ZC3H12B: variants seen among roughly 807,000 people sequenced by gnomAD.
ZC3H12B encodes the protein probable ribonuclease ZC3H12B.
ZC3H12B carries 7 observed loss-of-function variants against 43.9 expected under a neutral mutation model. That is an observed-to-expected ratio of 0.16 (90% CI 0.09 to 0.30). ZC3H12B has a LOEUF of 0.30. Among genes scored for constraint, ZC3H12B ranks in the 10% least tolerant of loss-of-function variants. ZC3H12B has a pLI of 1.00. For synonymous variants in ZC3H12B, 222 were observed against 241.7 expected (o/e 0.92, Z 0.76); for missense variants, 475 against 670.2 (o/e 0.71, Z 3.22).
chrX:65,109,496 G>A, the ZC3H12B span, among the ~76,000 whole-genome samples: 1 of 111,449 alleles, frequency 9.0e-6, no homozygotes, highest in African/African-American at 3.3e-5. Flanking sequence ...ATGTTTTCTA[G>A]GTCTATGCAT....
At chrX:65,062,435 G>GT in the ZC3H12B span, among the ~76,000 whole-genome samples, 1 of 111,909 alleles carries the variant, frequency 8.9e-6, no homozygotes, top group East Asian at 2.8e-4. Context: ...CCCTTTGCTT[G>GT]TTTTTGTCAG....
the ZC3H12B span, among the ~76,000 whole-genome samples, chrX:65,161,485 C>G: frequency 8.9e-6 from 1 of 111,863 alleles, no homozygotes; most frequent in Non-Finnish European, 1.9e-5. Context: ...GTTAGCTCTT[C>G]TTGTTGAATT....
the ZC3H12B span, among the ~76,000 whole-genome samples, chrX:65,174,281 G>A: frequency 8.9e-6 from 1 of 111,974 alleles, no homozygotes; most frequent in Non-Finnish European, 1.9e-5. Flanking sequence ...GTACTGTGTT[G>A]GAAGAATACT....
chrX:65,152,425 T>C, the ZC3H12B span, among the ~76,000 whole-genome samples: 1 of 111,513 alleles, frequency 9.0e-6, no homozygotes, highest in East Asian at 2.8e-4. Flanking sequence ...ACAAGCATTC[T>C]TATACACCAA....
chrX:65,088,704 T>C, the ZC3H12B span, among the ~76,000 whole-genome samples: 1 of 111,977 alleles, frequency 8.9e-6, no homozygotes, highest in Non-Finnish European at 1.9e-5. Context: ...AGACTAATTC[T>C]AATTCCTCTT....
At chrX:65,232,978 A>G in the ZC3H12B span, among the ~76,000 whole-genome samples, 1 of 112,180 alleles carries the variant, frequency 8.9e-6, no homozygotes, top group Non-Finnish European at 1.9e-5. Context: ...TTTTATGCCA[A>G]AAATATTAAA....
chrX:65,472,825 GATATATATATAT>G (rs58372328), intron 3 of ZC3H12B, among the ~76,000 whole-genome samples: 16 of 31,582 alleles, frequency 5.1e-4, no homozygotes, highest in Admixed American at 3.0e-3. Context: ...CCATACCTTT[GATATATATATAT>G]ATATATATAT....
At chrX:65,157,613 G>C in the ZC3H12B span, among the ~76,000 whole-genome samples, 1 of 110,938 alleles carries the variant, frequency 9.0e-6, no homozygotes, top group Non-Finnish European at 1.9e-5. Context: ...TATGTCCTTT[G>C]TAACAGAATA....
the ZC3H12B span, among the ~76,000 whole-genome samples, chrX:65,302,029 G>A: frequency 9.1e-6 from 1 of 110,183 alleles, no homozygotes; most frequent in Non-Finnish European, 1.9e-5. Flanking sequence ...TCCTCAACTT[G>A]CTTTCTGAAA....
the ZC3H12B span, among the ~76,000 whole-genome samples, chrX:65,054,040 T>G: frequency 2.7e-5 from 3 of 112,592 alleles, no homozygotes; most frequent in Admixed American, 2.8e-4. Flanking sequence ...TGCAAAAATT[T>G]TCTCCCATTC....
chrX:65,233,337 A>G, the ZC3H12B span, among the ~76,000 whole-genome samples: 3 of 111,690 alleles, frequency 2.7e-5, no homozygotes, highest in Non-Finnish European at 3.8e-5. Flanking sequence ...AGGATAGGCT[A>G]TATGTTAGGC....
At chrX:65,043,383 C>T in the ZC3H12B span, among the ~76,000 whole-genome samples, 2 of 110,254 alleles carry the variant, frequency 1.8e-5, no homozygotes, top group Admixed American at 1.9e-4. Flanking sequence ...TATTATCTAC[C>T]CTCCTCATTT....
At chrX:65,093,853 A>G in the ZC3H12B span, among the ~76,000 whole-genome samples, 1 of 111,312 alleles carries the variant, frequency 9.0e-6, no homozygotes, top group Non-Finnish European at 1.9e-5. Flanking sequence ...TTGACTGTTG[A>G]TAAGGGATGA....
At chrX:65,060,313 G>T in the ZC3H12B span, among the ~76,000 whole-genome samples, 1 of 112,069 alleles carries the variant, frequency 8.9e-6, no homozygotes, top group African/African-American at 3.2e-5. Flanking sequence ...AAGGCTTTCA[G>T]TGTGAAACTA....
exon 5 of ZC3H12B, chrX:65,503,854 TGATCC>T (rs2068400526): frequency 1.8e-5 from 2 of 111,443 alleles, no homozygotes; most frequent in Non-Finnish European, 3.8e-5. Flanking sequence ...TGGCCTCAAG[TGATCC>T]GCCCACCTTG....
At chrX:65,095,167 A>T in the ZC3H12B span, among the ~76,000 whole-genome samples, 1 of 112,069 alleles carries the variant, frequency 8.9e-6, no homozygotes, top group Admixed American at 9.5e-5. Flanking sequence ...GTTAAGTCAA[A>T]TGTTTTTATT....
chrX:65,463,504 T>G (rs774169441), intron 3 of ZC3H12B, among the ~76,000 whole-genome samples: 1 of 111,690 alleles, frequency 9.0e-6, no homozygotes, highest in African/African-American at 3.3e-5. Flanking sequence ...ACTCGGTCAA[T>G]AGAAATTTAT....
chrX:65,261,046 AT>A, the ZC3H12B span, among the ~76,000 whole-genome samples: 1 of 112,082 alleles, frequency 8.9e-6, no homozygotes, highest in African/African-American at 3.2e-5. Flanking sequence ...TACAAGAATG[AT>A]TTTAAGTGCT....
At chrX:65,098,534 C>T in the ZC3H12B span, among the ~76,000 whole-genome samples, 1 of 109,564 alleles carries the variant, frequency 9.1e-6, no homozygotes, top group Non-Finnish European at 1.9e-5. Flanking sequence ...TCTGCATTTC[C>T]AACTGACGTA....
Sources: gnomAD v4.1 joint callset for allele counts (sites outside exome capture counted in the v4.1 genomes callset) on GRCh38, gnomAD v4.1.1 for gene constraint, MANE v1.5 for transcripts, NCBI Gene and HGNC (gene_info 2026-07-23, HGNC 2026-07-21) for gene names.